Variants in TAFA1 observed in about 807,000 individuals in gnomAD.
The protein encoded by TAFA1 is chemokine-like protein TAFA-1.
In TAFA1, 4 loss-of-function variants were observed where a neutral mutation model predicts 18.5. The observed-to-expected ratio is 0.22, with a 90% CI of 0.11 to 0.49. The LOEUF (loss-of-function observed/expected upper bound fraction) is 0.49, where lower values mean the gene tolerates loss of function less well. Among genes scored for constraint, TAFA1 ranks in the 20% least tolerant of loss-of-function variants. The pLI is 0.98. For synonymous variants in TAFA1, 56 were observed against 55.2 expected (o/e 1.01, Z -0.06); for missense variants, 147 against 169.0 (o/e 0.87, Z 0.72).
chr3:68,079,500 C>T (rs1170702630), intron 2 of TAFA1, among the ~76,000 whole-genome samples: 1 of 152,074 alleles, frequency 6.6e-6, no homozygotes, highest in Non-Finnish European at 1.5e-5. Flanking sequence ...CCCAGAGATT[C>T]TGGTATGTTG....
At chr3:68,378,276 A>C (rs2069859795) in intron 2 of TAFA1, among the ~76,000 whole-genome samples, 1 of 152,182 alleles carries the variant, frequency 6.6e-6, no homozygotes, top group South Asian at 2.1e-4. Flanking sequence ...ATCTTGCATC[A>C]ACATGCCAAG....
At chr3:68,281,673 G>C (rs1343204678) in intron 2 of TAFA1, among the ~76,000 whole-genome samples, 1 of 151,884 alleles carries the variant, frequency 6.6e-6, no homozygotes, top group Admixed American at 6.6e-5. Flanking sequence ...TTTCAGGCTG[G>C]TCTCAAACTC....
intron 2 of TAFA1, among the ~76,000 whole-genome samples, chr3:68,296,219 G>A (rs1459727269): frequency 2.0e-5 from 3 of 151,758 alleles, no homozygotes; most frequent in Admixed American, 6.6e-5. Context: ...TTTTTGTTTC[G>A]GTTCATATTT....
chr3:68,312,189 C>T (rs541373288), intron 2 of TAFA1, among the ~76,000 whole-genome samples: 1 of 152,276 alleles, frequency 6.6e-6, no homozygotes, highest in Admixed American at 6.5e-5. Flanking sequence ...ACCAGAACCA[C>T]TTTTTCCTCC....
chr3:68,014,521 G>A (rs1704533408), intron 2 of TAFA1, among the ~76,000 whole-genome samples: 1 of 152,160 alleles, frequency 6.6e-6, no homozygotes, highest in Non-Finnish European at 1.5e-5. Flanking sequence ...AAATTGCAAA[G>A]CTCCAGATGA....
chr3:68,461,282 A>AC lies in TAFA1; in HGVS notation c.259+43862_259+43863insC, dbSNP rs1559679253. Reference sequence around the variant, plus strand: ...TGGTGATAGAGTGAGACTCTGCCAAAAAACAAACAAACAAACAAACAAACA... The same window carrying AC: ...TGGTGATAGAGTGAGACTCTGCCAAACAAACAAACAAACAAACAAACAAACA... On this transcript the variant is annotated intron_variant, in intron 3 of 4. Coordinates refer to ENST00000478136, the MANE Select transcript of TAFA1 (RefSeq NM_213609.4). Among the ~76,000 whole-genome samples, 183 of 140,210 alleles carry AC rather than the reference A, an allele frequency of 1.3e-3. 1 individual carries two copies. The highest frequency in any genetic ancestry group is 2.6e-3 in the Admixed American group (36 of 13,656). The allele number at this position is 140,210 out of a possible 152,430, so 92.0% of individuals were successfully genotyped here. A position where few individuals can be genotyped will look rare whatever the true frequency, so the allele number is the denominator to read the frequency against.
intron 3 of TAFA1, among the ~76,000 whole-genome samples, chr3:68,436,866 C>A (rs1451807035): frequency 6.6e-6 from 1 of 152,180 alleles, no homozygotes; most frequent in East Asian, 1.9e-4. Context: ...CTCTTGTTAA[C>A]AGATACAGCC....
At chr3:68,353,277 T>A (rs574132803) in intron 2 of TAFA1, among the ~76,000 whole-genome samples, 1 of 152,108 alleles carries the variant, frequency 6.6e-6, no homozygotes, top group Non-Finnish European at 1.5e-5. Context: ...CTGTAGCTTT[T>A]GTTTCTTTGG....
chr3:68,341,487 C>G (rs2069082558), intron 2 of TAFA1, among the ~76,000 whole-genome samples: 1 of 152,098 alleles, frequency 6.6e-6, no homozygotes, highest in Non-Finnish European at 1.5e-5. Context: ...ACTCTTGCAG[C>G]TAGAGGCTGC....
At chr3:68,197,484 C>G (rs1305930344) in intron 2 of TAFA1, among the ~76,000 whole-genome samples, 3 of 151,534 alleles carry the variant, frequency 2.0e-5, no homozygotes, top group African/African-American at 7.3e-5. Flanking sequence ...GAAAATTCCA[C>G]CAGGCAACAT....
intron 2 of TAFA1, among the ~76,000 whole-genome samples, chr3:68,321,366 A>G (rs1429146096): frequency 6.6e-6 from 1 of 152,208 alleles, no homozygotes; most frequent in Non-Finnish European, 1.5e-5. Flanking sequence ...TAAAGGCTCA[A>G]TAAATTAGCT....
At chr3:68,451,980 G>T (rs140868721) in intron 3 of TAFA1, among the ~76,000 whole-genome samples, 2 of 152,178 alleles carry the variant, frequency 1.3e-5, no homozygotes, top group Non-Finnish European at 2.9e-5. Flanking sequence ...GGATGGAACC[G>T]TGAAGGAATC....
rs78081243 is a variant in TAFA1, at chr3:68,240,194, C to T, written c.119-177086C>T. ...GCAAATGATCTAAGAATACTCATAT[C>T]TTCTTCCCAACTATACCACTCCACT... On this transcript the variant is annotated intron_variant, in intron 2 of 4. Coordinates refer to ENST00000478136, the MANE Select transcript of TAFA1 (RefSeq NM_213609.4). Among the ~76,000 whole-genome samples, 1,457 of 152,280 alleles carry T rather than the reference C, an allele frequency of 9.6e-3. 9 individuals carry two copies. The highest frequency in any genetic ancestry group is 0.017 in the Middle Eastern group (5 of 294).
intron 2 of TAFA1, among the ~76,000 whole-genome samples, chr3:68,236,811 C>A (rs1559570338): frequency 6.6e-6 from 1 of 152,118 alleles, no homozygotes; most frequent in Admixed American, 6.5e-5. Context: ...AATTTCCTGG[C>A]CGAGTTATGT....
intron 3 of TAFA1, among the ~76,000 whole-genome samples, chr3:68,437,210 G>T (rs896682923): frequency 1.3e-5 from 2 of 152,104 alleles, no homozygotes; most frequent in South Asian, 2.1e-4. Flanking sequence ...AACAAGATTG[G>T]TTACAAGATT....
chr3:68,371,661 A>G (rs1002543569), intron 2 of TAFA1, among the ~76,000 whole-genome samples: 15 of 152,206 alleles, frequency 9.9e-5, no homozygotes, highest in African/African-American at 3.6e-4. Flanking sequence ...AGACTTTGCT[A>G]TTGTAAATAG....
chr3:68,256,877 C>G (rs1283068216), intron 2 of TAFA1, among the ~76,000 whole-genome samples: 1 of 152,100 alleles, frequency 6.6e-6, no homozygotes, highest in Non-Finnish European at 1.5e-5. Flanking sequence ...AGTCACATCC[C>G]TGGGACATCT....
chr3:68,361,050 T>C (rs569314371), intron 2 of TAFA1, among the ~76,000 whole-genome samples: 5 of 152,018 alleles, frequency 3.3e-5, no homozygotes, highest in Non-Finnish European at 7.4e-5. Context: ...ATTACTGTCA[T>C]CTAAAGGATG....
At chr3:68,007,594 C>G (rs896101769) in intron 2 of TAFA1, among the ~76,000 whole-genome samples, 11 of 151,832 alleles carry the variant, frequency 7.2e-5, no homozygotes, top group Non-Finnish European at 1.5e-4. Flanking sequence ...CCGCCTTCAC[C>G]CTCCACCCCA....
Sources: allele counts gnomAD v4.1 joint callset (sites outside exome capture counted in the v4.1 genomes callset), GRCh38; gene constraint gnomAD v4.1.1; transcripts MANE v1.5; gene names NCBI Gene and HGNC (gene_info 2026-07-23, HGNC 2026-07-21).